Variants in CRYBG2 observed in about 807,000 individuals in gnomAD.
CRYBG2 encodes crystallin beta-gamma domain containing 2.
Under a neutral mutation model 153.4 loss-of-function variants are expected in CRYBG2, and 106 were observed. That is an observed-to-expected ratio of 0.69 (90% CI 0.59 to 0.81). The LOEUF is 0.81. Ranked by LOEUF, CRYBG2 falls within the 30% of genes least tolerant of loss-of-function variation. The probability of loss-of-function intolerance (pLI) is 0.00; values close to 1 mark genes in which losing one functional copy is unlikely to be tolerated. For missense variants in CRYBG2, 1,996 were observed against 2,112.0 expected, an observed-to-expected ratio of 0.95 and a Z score of 1.08; for synonymous variants, 851 against 877.8, an observed-to-expected ratio of 0.97 and a Z score of 0.54.
In CRYBG2 at chr1:26,343,224, C is replaced by T. The variant is rs140284257; in HGVS notation, c.2961+22G>A. 34 of 1,550,558 alleles carry T rather than the reference C, an allele frequency of 2.2e-5. No individual in the cohort carries two copies. The African/African-American group carries it at 3.3e-4, about 15-fold the overall frequency. On this transcript the variant is annotated intron_variant, in intron 3 of 19. Transcript: ENST00000308182. The surrounding 1 kb of genome is among the most constrained non-coding windows in gnomAD (Gnocchi z 4.1). ...GGCCCCTGCATCCTGCTGCCCCCAC[C>T]CACTTGCCCCCACAACCCTACCTTT... is the stretch of plus-strand genomic sequence containing the variant.
In CRYBG2 at chr1:26,338,063, A is replaced by C. The variant is rs370280744; in HGVS notation, c.3472-16T>G. The C allele has an allele frequency of 1.2e-5, 19 of 1,611,988 alleles. No individual in the cohort carries two copies. In the African/African-American group the frequency reaches 2.0e-4, roughly 17 times the overall value. On this transcript the variant is annotated splice_polypyrimidine_tract_variant and intron_variant, in intron 7 of 19. Coordinates refer to ENST00000308182, the MANE Select transcript of CRYBG2 (RefSeq NM_001039775.4). The stretch of plus-strand genomic sequence containing the variant: ...TTGGGCAGCCCTGCAGAGGAGACAG[A>C]GCTGAGACACCAGCCCAGAGATGGG...
At chr1:26,328,029 G>T (rs1482701919) in intron 17 of CRYBG2, among the ~76,000 whole-genome samples, 180 bp downstream of exon 17, 1 of 152,066 alleles carries the variant, frequency 6.6e-6, no homozygotes, top group Admixed American at 6.6e-5. Flanking sequence ...TAAAAAGAGA[G>T]TTAATCTAGA....
At chr1:26,351,200 C>A (rs1409075310) in intron 1 of CRYBG2, among the ~76,000 whole-genome samples, 1 of 152,136 alleles carries the variant, frequency 6.6e-6, no homozygotes, top group Non-Finnish European at 1.5e-5. Context: ...CCAGCCCACT[C>A]CCCTGTCCCC....
In CRYBG2 at chr1:26,343,440, C is replaced by G; in HGVS notation, c.2914-147G>C. On this transcript the variant is annotated intron_variant, in intron 2 of 19. Coordinates refer to ENST00000308182, the MANE Select transcript of CRYBG2 (RefSeq NM_001039775.4). The surrounding 1 kb of genome is among the most constrained non-coding windows in gnomAD (Gnocchi z 4.1). Reference sequence around the variant, plus strand: ...CATAGAGGATGCTCACACTTGTTCCCAACCCCCAAGGGCCTCATCACCCTG... The same window carrying G: ...CATAGAGGATGCTCACACTTGTTCCGAACCCCCAAGGGCCTCATCACCCTG... 1 of 1,055,522 alleles carries G rather than the reference C, an allele frequency of 9.5e-7. No individual in the cohort carries two copies. Among genetic ancestry groups the G allele is most frequent in the Non-Finnish European group, 1.4e-6 (1 of 711,434 alleles). 65.4% of individuals were successfully genotyped at this position (1,055,522 alleles called of 1,614,324 possible).
At chr1:26,353,848 G>C (rs1369661995) in intron 1 of CRYBG2, among the ~76,000 whole-genome samples, 188 bp downstream of exon 1, 1 of 152,190 alleles carries the variant, frequency 6.6e-6, no homozygotes, top group Non-Finnish European at 1.5e-5. Flanking sequence ...AGAAGCAGTG[G>C]GTTCCAGGAG....
chr1:26,337,966 C>T (rs760445847), intron 8 of CRYBG2, 46 bp downstream of exon 8: 25 of 1,602,576 alleles, frequency 1.6e-5, no homozygotes, highest in Non-Finnish European at 1.8e-5. Flanking sequence ...AACACCTGCA[C>T]CCCGCCACCA....
Position 26,343,195 on chromosome 1 carries a change from C to T in CRYBG2, c.2962-36G>A, listed in dbSNP as rs2124711178. On this transcript the variant is annotated intron_variant, in intron 3 of 19. Transcript: ENST00000308182. The surrounding 1 kb of genome is among the most constrained non-coding windows in gnomAD (Gnocchi z 4.1). ...ACAGAAGGGGTCCTCAGGCCCTGACCCCAGGCCCCTGCATCCTGCTGCCCC... is the reference window on the plus strand; with the variant it reads ...ACAGAAGGGGTCCTCAGGCCCTGACTCCAGGCCCCTGCATCCTGCTGCCCC... 6.4e-7 allele frequency: 1 copy of T among 1,550,608 alleles called. No homozygotes were observed. The highest frequency in any genetic ancestry group is 1.2e-5 in the South Asian group (1 of 84,060).
chr1:26,335,870 G>A (rs1348153415), intron 14 of CRYBG2, among the ~76,000 whole-genome samples: 1 of 152,080 alleles, frequency 6.6e-6, no homozygotes, highest in Non-Finnish European at 1.5e-5. Flanking sequence ...ATACTCCACC[G>A]AAAATTTAAA....
chr1:26,328,466 A>G, intron 16 of CRYBG2, 134 bp from the exon 17 acceptor site: 1 of 1,364,018 alleles, frequency 7.3e-7, no homozygotes, highest in Non-Finnish European at 9.9e-7. Context: ...TCTGCCTGGA[A>G]TAGGGTTCCC....
At position 26,324,254 on chromosome 1, in the gene CRYBG2, C is replaced by T. The variant is rs753456663; in HGVS notation, c.4635G>A (p.Pro1545=). 2.2e-5 allele frequency: 36 copies of T among 1,612,322 alleles called. No homozygotes were observed. Among genetic ancestry groups the T allele is most frequent in the Non-Finnish European group, 2.8e-5 (33 of 1,179,964 alleles). Residue 1545 remains proline, a synonymous_variant, in exon 18 of 20, where the codon CCG becomes CCA. Transcript: ENST00000308182. ...CTGCTTTCATGTCCTCCACATGGTC[C>T]GGCACTGCCAGGAATCCCCCCAGTG... ...NAALGGFLAV[P]DHVEDMKAGR...
Position 26,345,235 on chromosome 1 carries a change from G to A in CRYBG2, c.1423C>T (p.Pro475Ser). Residue 475 changes from proline to serine, a missense_variant, in exon 2 of 20, where the codon CCC (proline) becomes TCC (serine). Pro to Ser is a moderately conservative substitution (Grantham distance 74). Transcript: ENST00000308182. The stretch of plus-strand genomic sequence containing the variant: ...CCCTGCACCACCTCCTTCCGGGTGG[G>A]AGATGAGGCAGCAGGAGCACCGGGG... ...KGPGAPAASS[P>S]TRKEVVQGSS... 2.0e-6 allele frequency: 3 copies of A among 1,535,750 alleles called. No individual in the cohort carries two copies. Among genetic ancestry groups the A allele is most frequent in the East Asian group, 2.4e-5 (1 of 42,192 alleles).
At chr1:26,329,477 A>T (rs1470949595) in intron 15 of CRYBG2, among the ~76,000 whole-genome samples, 1 of 115,886 alleles carries the variant, frequency 8.6e-6, no homozygotes, top group East Asian at 2.4e-4. Flanking sequence ...TGCGCAGCTT[A>T]GATTTTTTTT....
rs373879831 is a variant in CRYBG2, at chr1:26,336,884, G to A, written c.3868C>T (p.Gln1290Ter). ...ATGGCCTGTGTGCTGGGGCCGTGTT[G>A]CACCAGCTCCACATCCGGCAATGCC... is the stretch of plus-strand genomic sequence containing the variant. ...SKALPDVELV[Q>*]HGPSTQAIHV... The change falls in exon 11 of 20, where the codon CAA becomes TAA. Residue 1290 changes from glutamine to a stop codon, truncating the protein, a stop_gained. Coordinates refer to ENST00000308182, the MANE Select transcript of CRYBG2 (RefSeq NM_001039775.4). LOFTEE classifies it high-confidence loss of function. This position sits in a 1 kb window ranked among gnomAD's most constrained non-coding sequence, Gnocchi z 4.9. 1.2e-6 allele frequency: 2 copies of A among 1,609,648 alleles called. No individual in the cohort carries two copies. The highest frequency in any genetic ancestry group is 1.7e-6 in the Non-Finnish European group (2 of 1,178,314).
chr1:26,336,021 A>G lies in CRYBG2; in HGVS notation c.4184+74T>C. 8.1e-7 allele frequency: 1 copy of G among 1,235,636 alleles called. No individual in the cohort carries two copies. Among genetic ancestry groups the G allele is most frequent in the African/African-American group, 1.5e-5 (1 of 65,270 alleles). 76.5% of individuals were successfully genotyped at this position (1,235,636 alleles called of 1,614,324 possible). A position where few individuals can be genotyped will look rare whatever the true frequency, so the allele number is the denominator to read the frequency against. On this transcript the variant is annotated intron_variant, in intron 14 of 19. Coordinates refer to ENST00000308182, the MANE Select transcript of CRYBG2 (RefSeq NM_001039775.4). The surrounding 1 kb of genome is among the most constrained non-coding windows in gnomAD (Gnocchi z 4.9). ...GCAAGGTAGCCAAAGGAAGGAAATC[A>G]TTTGAAAGACTCTCCTCCTGCAGCC...
Position 26,344,497 on chromosome 1 carries a change from C to A in CRYBG2, c.2161G>T (p.Gly721Cys). 6.5e-7 allele frequency: 1 copy of A among 1,546,202 alleles called. No individual in the cohort carries two copies. Among genetic ancestry groups the A allele is most frequent in the Non-Finnish European group, 8.7e-7 (1 of 1,145,196 alleles). The change falls in exon 2 of 20, where the codon GGC becomes TGC. Residue 721 changes from glycine to cysteine, a missense_variant. By Grantham distance (159) the Gly-to-Cys change is radical. Coordinates refer to ENST00000308182, the MANE Select transcript of CRYBG2 (RefSeq NM_001039775.4). ...CCTGTTGGCACTGGGGCAGGGGTGC[C>A]TCCTGGGCTGGGGGACACCCTGTCC... is the stretch of plus-strand genomic sequence containing the variant. ...SVDRVSPSPGGTPAPVPTGAE... is the reference protein window; with the variant it reads ...SVDRVSPSPGCTPAPVPTGAE...
intron 6 of CRYBG2, 102 bp downstream of exon 6, chr1:26,339,188 G>C (rs1570190758): frequency 2.8e-6 from 4 of 1,444,552 alleles, no homozygotes; most frequent in Non-Finnish European, 3.7e-6. Flanking sequence ...CCAGTGGACT[G>C]AGCACTCCTG....
At chr1:26,322,446 C>G in intron 18 of CRYBG2, 123 bp from the exon 19 acceptor site, 1 of 1,105,636 alleles carries the variant, frequency 9.0e-7, no homozygotes, top group East Asian at 2.7e-5. Flanking sequence ...GGGCAAGTCT[C>G]TTAATCCTCC....
At chr1:26,329,161 G>A (rs2073968540) in intron 15 of CRYBG2, among the ~76,000 whole-genome samples, 3 of 143,556 alleles carry the variant, frequency 2.1e-5, no homozygotes, top group African/African-American at 7.8e-5. Flanking sequence ...GAAACCTGGG[G>A]CTTATTCTAG....
chr1:26,328,428 A>C, intron 16 of CRYBG2, 96 bp from the exon 17 acceptor site: 1 of 1,482,534 alleles, frequency 6.7e-7, no homozygotes, highest in African/African-American at 1.4e-5. Context: ...AACGTTCTCC[A>C]CCTCCTCTTC....
Sources: allele counts gnomAD v4.1 joint callset (sites outside exome capture counted in the v4.1 genomes callset), GRCh38; gene constraint gnomAD v4.1.1; non-coding constraint Gnocchi (gnomAD v3.1); transcripts MANE v1.5; gene names NCBI Gene and HGNC (gene_info 2026-07-23, HGNC 2026-07-21).